The following PTPRO variants were observed in gnomAD, a reference collection of about 807,000 sequenced individuals.
PTPRO encodes receptor-type tyrosine-protein phosphatase O.
Under a neutral mutation model 145.2 loss-of-function variants are expected in PTPRO, and 62 were observed. The ratio of observed to expected loss-of-function variants is 0.43; its 90% confidence interval spans 0.35 to 0.53. The LOEUF (loss-of-function observed/expected upper bound fraction) is 0.53. Among genes scored for constraint, PTPRO ranks in the 20% least tolerant of loss-of-function variants. PTPRO has a pLI of 0.01. For missense variants in PTPRO, 1,345 were observed against 1,482.7 expected, an observed-to-expected ratio of 0.91 and a Z score of 1.53; for synonymous variants, 565 against 514.7, an observed-to-expected ratio of 1.10 and a Z score of -1.32.
At chr12:15,500,815 G>T (rs953119774) in intron 4 of PTPRO, among the ~76,000 whole-genome samples, 1 of 152,234 alleles carries the variant, frequency 6.6e-6, no homozygotes, top group Middle Eastern at 3.4e-3. Flanking sequence ...CCAGCTACTC[G>T]GGAGACTGAG....
chr12:15,391,168 C>T (rs969795461), intron 1 of PTPRO, among the ~76,000 whole-genome samples: 7 of 152,204 alleles, frequency 4.6e-5, no homozygotes, highest in African/African-American at 1.7e-4. Flanking sequence ...CAGTCTATAA[C>T]ACAGCCCATC....
intron 15 of PTPRO, among the ~76,000 whole-genome samples, 170 bp from the exon 16 acceptor site, chr12:15,557,285 C>A (rs1005162567): frequency 6.6e-6 from 1 of 152,198 alleles, no homozygotes; most frequent in Non-Finnish European, 1.5e-5. Context: ...CCACCTCGGC[C>A]TCCCAAAGTA....
chr12:15,579,094 T>C, intron 20 of PTPRO, 151 bp downstream of exon 20: 1 of 710,898 alleles, frequency 1.4e-6, no homozygotes, highest in Non-Finnish European at 2.6e-6. Context: ...TCACTCTCCT[T>C]TGATGTCTTT....
chr12:15,365,007 G>A (rs1039235364), intron 1 of PTPRO, among the ~76,000 whole-genome samples: 8 of 152,000 alleles, frequency 5.3e-5, no homozygotes, highest in East Asian at 1.9e-4. Context: ...ATTCTTTATC[G>A]TTTCTTCTTC....
chr12:15,546,718 C>G lies in PTPRO; in HGVS notation c.2304+10C>G. On this transcript the variant is annotated intron_variant, in intron 13 of 26. Transcript: ENST00000281171. Reference sequence around the variant, plus strand: ...GAAAACCAAACTTCAGGTACTGTACCTTTTGATCTACCTTTTCTCAGTTAA... The same window carrying G: ...GAAAACCAAACTTCAGGTACTGTACGTTTTGATCTACCTTTTCTCAGTTAA... 1 of 1,613,810 alleles carries G rather than the reference C, an allele frequency of 6.2e-7. No individual in the cohort carries two copies. The highest frequency in any genetic ancestry group is 8.5e-7 in the Non-Finnish European group (1 of 1,179,840).
At position 15,551,650 on chromosome 12, in the gene PTPRO, A is replaced by G; in HGVS notation, c.2537A>G (p.Lys846Arg). The stretch of plus-strand genomic sequence containing the variant: ...CTTGTTACCCTCATTATTCTTAGGA[A>G]AAAGCATCTGCAGATGGCTAGGTAA... ...LLLVTLIILR[K>R]KHLQMARECG... Residue 846 changes from lysine to arginine, a missense_variant, in exon 15 of 27, where the codon AAA becomes AGA. Physicochemically the swap from Lys to Arg is conservative, Grantham distance 26. Around this residue, in one of 3 missense-constraint regions of PTPRO, gnomAD observed 1,130 missense variants for 1,214.7 expected, o/e 0.93. Coordinates refer to ENST00000281171, the MANE Select transcript of PTPRO (RefSeq NM_030667.3). 6.2e-7 allele frequency: 1 copy of G among 1,613,652 alleles called. No homozygotes were observed. The highest frequency in any genetic ancestry group is 8.5e-7 in the Non-Finnish European group (1 of 1,179,754).
chr12:15,488,693 T>C (rs1470492787), intron 2 of PTPRO, among the ~76,000 whole-genome samples: 1 of 152,216 alleles, frequency 6.6e-6, no homozygotes, highest in African/African-American at 2.4e-5. Flanking sequence ...GATATTTCAC[T>C]ATAGTTGTTC....
chr12:15,415,095 G>C (rs1219410640), intron 1 of PTPRO, among the ~76,000 whole-genome samples: 1 of 152,140 alleles, frequency 6.6e-6, no homozygotes, highest in Non-Finnish European at 1.5e-5. Context: ...AGGTGGAGGG[G>C]CTAAGGAAGA....
intron 19 of PTPRO, among the ~76,000 whole-genome samples, chr12:15,571,546 A>G (rs1944049842): frequency 6.6e-6 from 1 of 152,192 alleles, no homozygotes. Flanking sequence ...TCAGCCTCCC[A>G]AAGTGCTGGG....
At chr12:15,362,304 A>G (rs935069023) in intron 1 of PTPRO, among the ~76,000 whole-genome samples, 3 of 152,196 alleles carry the variant, frequency 2.0e-5, no homozygotes. Context: ...CTGGTTGGAA[A>G]ATAAGTAGGG....
At chr12:15,362,508 A>C (rs1206321836) in intron 1 of PTPRO, among the ~76,000 whole-genome samples, 1 of 152,184 alleles carries the variant, frequency 6.6e-6, no homozygotes, top group Non-Finnish European at 1.5e-5. Context: ...TTTACTCTGA[A>C]TATGTCAGGT....
chr12:15,580,087 C>T lies in PTPRO; in HGVS notation c.2969C>T (p.Ala990Val). The change falls in exon 21 of 27, where the codon GCA becomes GTA. Residue 990 changes from alanine (A) to valine (V), a missense_variant. Coordinates refer to ENST00000281171, the MANE Select transcript of PTPRO (RefSeq NM_030667.3). ...RLVSMNEEEG[A>V]DYINANYIPG... ...GTCTCCATGAATGAAGAGGAAGGTG[C>T]AGACTACATCAATGCCAACTATATT... The T allele has an allele frequency of 6.2e-7, 1 of 1,612,588 alleles. No individual in the cohort carries two copies.
intron 8 of PTPRO, 117 bp downstream of exon 8, chr12:15,515,735 C>T: frequency 7.6e-7 from 1 of 1,307,226 alleles, no homozygotes; most frequent in Non-Finnish European, 1.1e-6. Context: ...ATTAGTTCAT[C>T]CAATATGCTA....
intron 1 of PTPRO, among the ~76,000 whole-genome samples, chr12:15,430,375 G>A (rs1345067921): frequency 6.6e-6 from 1 of 152,064 alleles, no homozygotes; most frequent in African/African-American, 2.4e-5. Flanking sequence ...GGATTCTAAA[G>A]CACTAAACAG....
intron 1 of PTPRO, among the ~76,000 whole-genome samples, chr12:15,404,130 A>C (rs980459071): frequency 7.0e-6 from 1 of 143,066 alleles, no homozygotes; most frequent in Non-Finnish European, 1.5e-5. Flanking sequence ...TGGAGCTTGC[A>C]GTGAGCCGAG....
chr12:15,504,759 C>G (rs1349014835), intron 6 of PTPRO, among the ~76,000 whole-genome samples: 1 of 152,150 alleles, frequency 6.6e-6, no homozygotes, highest in African/African-American at 2.4e-5. Context: ...GAAAGAAAAA[C>G]CAGAAGGCAA....
chr12:15,497,388 A>G lies in PTPRO; in HGVS notation c.493A>G (p.Thr165Ala), dbSNP rs1591654204. The G allele has an allele frequency of 4.3e-6, 7 of 1,613,484 alleles. No homozygotes were observed. Among genetic ancestry groups the G allele is most frequent in the Non-Finnish European group, 5.1e-6 (6 of 1,179,622 alleles). Residue 165 changes from threonine (T) to alanine (A), a missense_variant, in exon 3 of 27, where the codon ACA becomes GCA. Thr to Ala is a moderately conservative substitution (Grantham distance 58). This residue lies in a region of PTPRO where 1,130 missense variants were observed against 1,214.7 expected (regional missense o/e 0.93). Coordinates refer to ENST00000281171, the MANE Select transcript of PTPRO (RefSeq NM_030667.3). Reference sequence around the variant, plus strand: ...CTACTGGGAAGGTAAAGACTTCCGGACAATGCTATATAAAGGTAAGCAGCA... The same window carrying G: ...CTACTGGGAAGGTAAAGACTTCCGGGCAATGCTATATAAAGGTAAGCAGCA... ...ISYWEGKDFR[T>A]MLYKDFFKGK...
chr12:15,545,555 GT>G (rs1274622626), intron 12 of PTPRO, among the ~76,000 whole-genome samples: 1 of 151,500 alleles, frequency 6.6e-6, no homozygotes, highest in Non-Finnish European at 1.5e-5. Context: ...AACAGGCAGG[GT>G]TTTTTGGTCT....
intron 7 of PTPRO, among the ~76,000 whole-genome samples, chr12:15,514,022 C>A (rs541190125): frequency 6.6e-6 from 1 of 152,306 alleles, no homozygotes; most frequent in African/African-American, 2.4e-5. Flanking sequence ...AAGGTCAAAG[C>A]AGCACCTTAA....
Sources: gnomAD v4.1 joint callset for allele counts (sites outside exome capture counted in the v4.1 genomes callset) on GRCh38, gnomAD v4.1.1 for gene constraint, gnomAD v4.1.1 regional missense constraint, MANE v1.5 for transcripts, NCBI Gene and HGNC (gene_info 2026-07-23, HGNC 2026-07-21) for gene names.